The following GRM3 variants were observed in gnomAD, a reference collection of about 807,000 sequenced individuals.
GRM3 encodes the protein metabotropic glutamate receptor 3.
GRM3 carries 26 observed loss-of-function variants against 70.5 expected under a neutral mutation model. The ratio of observed to expected loss-of-function variants is 0.37; its 90% CI spans 0.27 to 0.51. The LOEUF is 0.51. Ranked by LOEUF, GRM3 falls within the 20% of genes least tolerant of loss-of-function variation. The pLI is 0.93. For missense variants in GRM3, 859 were observed against 1,123.8 expected (o/e 0.76, Z 3.37); for synonymous variants, 443 against 434.9 (o/e 1.02, Z -0.23).
At chr7:86,709,174 C>T (rs190047482) in intron 1 of GRM3, among the ~76,000 whole-genome samples, 114 of 152,008 alleles carry the variant, frequency 7.5e-4, no homozygotes, top group Non-Finnish European at 1.4e-3. Flanking sequence ...ACTTTCAGAC[C>T]GTGAGTTTTT....
intron 1 of GRM3, among the ~76,000 whole-genome samples, chr7:86,762,452 C>T (rs1037917079): frequency 1.3e-5 from 2 of 152,030 alleles, no homozygotes; most frequent in Admixed American, 6.6e-5. Context: ...TTAAAGGGCA[C>T]TGCTAATATG....
intron 2 of GRM3, among the ~76,000 whole-genome samples, chr7:86,782,349 C>G (rs1370817673): frequency 6.7e-6 from 1 of 149,384 alleles, no homozygotes; most frequent in East Asian, 2.0e-4. Flanking sequence ...TTTGTATTCT[C>G]TCCTACTTTT....
intron 1 of GRM3, among the ~76,000 whole-genome samples, chr7:86,764,794 A>C (rs918949352): frequency 1.3e-5 from 2 of 152,032 alleles, no homozygotes; most frequent in Non-Finnish European, 2.9e-5. Context: ...CTCTGTGCCC[A>C]TTTCTGTGAG....
At chr7:86,801,201 G>T (rs996361419) in intron 3 of GRM3, among the ~76,000 whole-genome samples, 180 of 151,014 alleles carry the variant, frequency 1.2e-3, no homozygotes, top group African/African-American at 4.0e-3. Context: ...GTCTCAAGTA[G>T]CTGGGATTAC....
chr7:86,677,782 T>C (rs890334263), intron 1 of GRM3, among the ~76,000 whole-genome samples: 35 of 151,758 alleles, frequency 2.3e-4, no homozygotes, highest in Admixed American at 2.2e-3. Context: ...TGGGAGAAAA[T>C]GGCCCGCAAA....
At chr7:86,753,356 G>A (rs1180933843) in intron 1 of GRM3, among the ~76,000 whole-genome samples, 1 of 152,102 alleles carries the variant, frequency 6.6e-6, no homozygotes, top group African/African-American at 2.4e-5. Flanking sequence ...AGCCAAAGAG[G>A]TGGCCATGTG....
chr7:86,755,006 A>G (rs141692622), intron 1 of GRM3, among the ~76,000 whole-genome samples: 27 of 152,012 alleles, frequency 1.8e-4, no homozygotes, highest in African/African-American at 6.3e-4. Flanking sequence ...GTTCTGAAAA[A>G]TTTTCTTAAA....
At position 86,839,260 on chromosome 7, in the gene GRM3, C is replaced by T; in HGVS notation, c.1746C>T (p.Thr582=). 1 of 1,613,786 alleles carries T rather than the reference C, an allele frequency of 6.2e-7. No individual in the cohort carries two copies. The highest frequency in any genetic ancestry group is 8.5e-7 in the Non-Finnish European group (1 of 1,179,664). Residue 582 remains threonine (T), a synonymous_variant, in exon 4 of 6, where the codon ACC becomes ACT. Transcript: ENST00000361669. This position sits in a 1 kb window ranked among gnomAD's most constrained non-coding sequence, Gnocchi z 4.5. ...WEDAWAIGPV[T]IACLGFMCTC... is the part of the protein sequence containing the mutation. Reference sequence around the variant, plus strand: ...ACGCCTGGGCCATTGGCCCAGTCACCATTGCCTGTCTGGGTTTTATGTGTA... The same window carrying T: ...ACGCCTGGGCCATTGGCCCAGTCACTATTGCCTGTCTGGGTTTTATGTGTA...
At chr7:86,754,047 G>C (rs1796290046) in intron 1 of GRM3, among the ~76,000 whole-genome samples, 1 of 152,020 alleles carries the variant, frequency 6.6e-6, no homozygotes, top group South Asian at 2.1e-4. Context: ...ATGTTCTAAG[G>C]TCACTTAAAT....
chr7:86,644,894 G>A (rs56227688), intron 1 of GRM3, 22 bp downstream of exon 1: 126,094 of 1,251,726 alleles, frequency 0.1, 7,074 homozygotes, highest in South Asian at 0.17. Context: ...AGAGGAGGAC[G>A]TGTCCCTCTG....
chr7:86,677,001 C>T (rs1050953390), intron 1 of GRM3, among the ~76,000 whole-genome samples: 1 of 151,884 alleles, frequency 6.6e-6, no homozygotes, highest in Admixed American at 6.6e-5. Flanking sequence ...CATTCTAAGC[C>T]TCATATAGTC....
At chr7:86,658,851 TAA>T (rs776188702) in intron 1 of GRM3, among the ~76,000 whole-genome samples, 36 of 138,594 alleles carry the variant, frequency 2.6e-4, no homozygotes, top group Non-Finnish European at 2.5e-4. Flanking sequence ...CCTGTTATAC[TAA>T]AAAAAAAAAA....
At chr7:86,846,571 A>C (rs1015091786) in intron 4 of GRM3, among the ~76,000 whole-genome samples, 10 of 152,148 alleles carry the variant, frequency 6.6e-5, no homozygotes, top group African/African-American at 1.9e-4. Context: ...AATGGGGAGG[A>C]AATTCACCCC....
chr7:86,768,088 A>G (rs1273150139), intron 2 of GRM3, among the ~76,000 whole-genome samples: 2 of 149,644 alleles, frequency 1.3e-5, no homozygotes, highest in African/African-American at 4.9e-5. Flanking sequence ...AGATTTTGGC[A>G]ACAGAAAGAC....
intron 1 of GRM3, among the ~76,000 whole-genome samples, chr7:86,654,377 C>T (rs955051252): frequency 3.3e-5 from 5 of 152,190 alleles, no homozygotes; most frequent in African/African-American, 1.2e-4. Context: ...ATCTCAGAGA[C>T]AAAACTGTTA....
chr7:86,778,635 G>A (rs931804016), intron 2 of GRM3, among the ~76,000 whole-genome samples: 2 of 152,124 alleles, frequency 1.3e-5, no homozygotes. Context: ...AACTGCCTGA[G>A]ATCTTTCTCA....
chr7:86,817,479 A>G (rs549687125), intron 3 of GRM3, among the ~76,000 whole-genome samples: 13 of 152,048 alleles, frequency 8.5e-5, no homozygotes, highest in African/African-American at 2.4e-4. Flanking sequence ...TACATCCTAT[A>G]TAGGGTACTC....
intron 1 of GRM3, among the ~76,000 whole-genome samples, chr7:86,737,438 ATC>A (rs1333028794): frequency 6.6e-6 from 1 of 152,200 alleles, no homozygotes; most frequent in Admixed American, 6.5e-5. Flanking sequence ...AACTGACTGA[ATC>A]TCTCTGAACA....
intron 1 of GRM3, among the ~76,000 whole-genome samples, chr7:86,662,913 G>A (rs1280826672): frequency 6.6e-6 from 1 of 151,434 alleles, no homozygotes; most frequent in African/African-American, 2.4e-5. Flanking sequence ...TTTTGCTATA[G>A]CTTCTTATTT....
Sources: gnomAD v4.1 joint callset for allele counts (sites outside exome capture counted in the v4.1 genomes callset) on GRCh38, gnomAD v4.1.1 for gene constraint, Gnocchi (gnomAD v3.1) non-coding constraint, MANE v1.5 for transcripts, NCBI Gene and HGNC (gene_info 2026-07-23, HGNC 2026-07-21) for gene names.